Variants in ADARB2 observed in about 807,000 individuals in gnomAD.
The protein encoded by ADARB2 is adenosine deaminase RNA specific B2 (inactive).
In ADARB2, 25 loss-of-function variants were observed where a neutral mutation model predicts 62.2. The observed-to-expected ratio is 0.40, with a 90% CI of 0.29 to 0.56. ADARB2 has a LOEUF of 0.56. Ranked by LOEUF, ADARB2 falls within the 20% of genes least tolerant of loss-of-function variation. The probability of loss-of-function intolerance (pLI) is 0.43; values close to 1 mark genes in which losing one functional copy is unlikely to be tolerated. For synonymous variants in ADARB2, 572 were observed against 500.8 expected, an observed-to-expected ratio of 1.14 and a Z score of -1.90; for missense variants, 1,071 against 1,077.4, an observed-to-expected ratio of 0.99 and a Z score of 0.08.
chr10:1,598,081 A>T (rs1414730881), intron 1 of ADARB2, among the ~76,000 whole-genome samples: 2 of 152,256 alleles, frequency 1.3e-5, no homozygotes, highest in African/African-American at 2.4e-5. Flanking sequence ...GTACCCATGG[A>T]TACACTGAGT....
intron 1 of ADARB2, among the ~76,000 whole-genome samples, chr10:1,721,359 A>G (rs866110846): frequency 3.0e-4 from 45 of 152,350 alleles, no homozygotes; most frequent in Middle Eastern, 6.8e-3. Context: ...ATTCAGAAAG[A>G]ACAAGTATCA....
intron 1 of ADARB2, among the ~76,000 whole-genome samples, chr10:1,574,392 T>G (rs999790773): frequency 1.3e-5 from 2 of 152,092 alleles, no homozygotes; most frequent in African/African-American, 4.8e-5. Context: ...GGAAAGAGAA[T>G]TGGGCAGACG....
intron 1 of ADARB2, among the ~76,000 whole-genome samples, chr10:1,687,107 A>G (rs976640357): frequency 2.7e-5 from 4 of 149,612 alleles, no homozygotes; most frequent in African/African-American, 9.9e-5. Context: ...TCTCATTGCA[A>G]CCTCTGCCTC....
Position 1,183,367 on chromosome 10 carries a change from C to T in ADARB2, c.2046G>A (p.Leu682=), listed in dbSNP as rs764467589. Residue 682 remains leucine, a splice_region_variant and synonymous_variant, in exon 10 of 10, where the codon CTG becomes CTA. Coordinates refer to ENST00000381312, the MANE Select transcript of ADARB2 (RefSeq NM_018702.4). ...CTCCAGGGCTGGGTGTCCGTGTGCT[C>T]AGCTGCGGACAAGAAGGAGAAAGAG... ...SARWARLYGR[L]STRTPSPGDT... The T allele has an allele frequency of 5.6e-6, 9 of 1,608,378 alleles. No homozygotes were observed.
intron 1 of ADARB2, among the ~76,000 whole-genome samples, chr10:1,589,155 A>G (rs1018084994): frequency 2.0e-5 from 3 of 152,176 alleles, no homozygotes; most frequent in South Asian, 4.1e-4. Context: ...TTCCTTTCAC[A>G]TCGGAAAGAC....
chr10:1,209,649 A>T (rs1458944509), intron 7 of ADARB2, among the ~76,000 whole-genome samples: 1 of 148,332 alleles, frequency 6.7e-6, no homozygotes, highest in South Asian at 2.2e-4. Context: ...ACTCATGCCC[A>T]TGCCTGCACC....
At chr10:1,373,670 T>C (rs1245876627) in intron 2 of ADARB2, among the ~76,000 whole-genome samples, 2 of 152,200 alleles carry the variant, frequency 1.3e-5, no homozygotes, top group East Asian at 1.9e-4. Flanking sequence ...ATGGTGGCCC[T>C]GGGAGACAGC....
At chr10:1,617,981 A>G (rs961071638) in intron 1 of ADARB2, among the ~76,000 whole-genome samples, 5 of 152,158 alleles carry the variant, frequency 3.3e-5, no homozygotes, top group African/African-American at 1.2e-4. Context: ...ATTGCTGTCC[A>G]CTTTTTTCCC....
chr10:1,204,248 C>T lies in ADARB2; in HGVS notation c.1683-4101G>A, dbSNP rs1042713182. Among the ~76,000 whole-genome samples, 5 of 152,164 alleles carry T rather than the reference C, an allele frequency of 3.3e-5. 1 individual carries two copies. Among genetic ancestry groups the T allele is most frequent in the African/African-American group, 4.8e-5 (2 of 41,448 alleles). On this transcript the variant is annotated intron_variant, in intron 7 of 9. Coordinates refer to ENST00000381312, the MANE Select transcript of ADARB2 (RefSeq NM_018702.4). ...ACTCAGACCTATTCTGGGGGCCTTT[C>T]AAGGTGAAATAGAAGCCAACAGCCT...
At chr10:1,293,628 T>C (rs1188296438) in intron 3 of ADARB2, among the ~76,000 whole-genome samples, 2 of 152,214 alleles carry the variant, frequency 1.3e-5, no homozygotes, top group Admixed American at 6.5e-5. Context: ...AATTTATTTT[T>C]TGTTTATCCT....
intron 1 of ADARB2, among the ~76,000 whole-genome samples, chr10:1,550,953 GA>G (rs1372542046): frequency 6.6e-6 from 1 of 152,200 alleles, no homozygotes; most frequent in African/African-American, 2.4e-5. Flanking sequence ...AAGGACGGCA[GA>G]AAAGGGGCTG....
intron 1 of ADARB2, among the ~76,000 whole-genome samples, chr10:1,720,979 T>C (rs988020591): frequency 6.6e-6 from 1 of 152,200 alleles, no homozygotes. Context: ...ATCTTCCCAC[T>C]GCTCGGATGA....
chr10:1,458,211 C>T (rs1486836604), intron 1 of ADARB2, among the ~76,000 whole-genome samples: 1 of 152,166 alleles, frequency 6.6e-6, no homozygotes, highest in African/African-American at 2.4e-5. Flanking sequence ...GAGGTCTCCG[C>T]AGGAAGAACA....
intron 1 of ADARB2, among the ~76,000 whole-genome samples, chr10:1,689,911 A>G (rs1008431462): frequency 1.3e-5 from 2 of 152,238 alleles, no homozygotes; most frequent in Non-Finnish European, 2.9e-5. Context: ...AGAAATTTAA[A>G]AAATCGTACA....
chr10:1,340,317 G>A (rs61833566), intron 3 of ADARB2, among the ~76,000 whole-genome samples: 433 of 33,250 alleles, frequency 0.013, no homozygotes, highest in Middle Eastern at 0.071. Flanking sequence ...GGCAATAACC[G>A]GCATCCACCA....
intron 4 of ADARB2, among the ~76,000 whole-genome samples, chr10:1,263,117 A>G: frequency 8.6e-6 from 1 of 115,970 alleles, no homozygotes; most frequent in African/African-American, 3.4e-5. Flanking sequence ...AACATCACAC[A>G]CCGGGGCCTG....
At chr10:1,710,080 C>T (rs931103464) in intron 1 of ADARB2, among the ~76,000 whole-genome samples, 6 of 152,216 alleles carry the variant, frequency 3.9e-5, no homozygotes, top group African/African-American at 1.2e-4. Flanking sequence ...AACTTCCACG[C>T]CTCAAAACCG....
At chr10:1,656,897 A>G (rs974468635) in intron 1 of ADARB2, among the ~76,000 whole-genome samples, 4 of 152,004 alleles carry the variant, frequency 2.6e-5, no homozygotes, top group Admixed American at 1.3e-4. Context: ...AGGCATTAGG[A>G]TGGGCCAGAA....
intron 1 of ADARB2, among the ~76,000 whole-genome samples, chr10:1,618,659 C>A (rs544064550): frequency 6.6e-6 from 1 of 152,068 alleles, no homozygotes; most frequent in Non-Finnish European, 1.5e-5. Context: ...ATGCTCCCCT[C>A]TCAGGCTCCC....
Sources: gnomAD v4.1 joint callset for allele counts (sites outside exome capture counted in the v4.1 genomes callset) on GRCh38, gnomAD v4.1.1 for gene constraint, MANE v1.5 for transcripts, NCBI Gene and HGNC (gene_info 2026-07-23, HGNC 2026-07-21) for gene names.